Variants in IRAG2 observed in about 807,000 individuals in gnomAD.
IRAG2 encodes lymphoid restricted membrane protein.
In IRAG2, 45 loss-of-function variants were observed where a neutral mutation model predicts 69.9. The ratio of observed to expected loss-of-function variants is 0.64; its 90% CI spans 0.51 to 0.83. The LOEUF is 0.83. IRAG2 is among the 40% of genes least tolerant of loss of function. IRAG2 has a pLI of 0.00. For synonymous variants in IRAG2, 193 were observed against 202.4 expected (o/e 0.95, Z 0.40); for missense variants, 520 against 587.0 (o/e 0.89, Z 1.18).
At chr12:25,030,102 G>A (rs1399405994) in intron 9 of IRAG2, among the ~76,000 whole-genome samples, 1 of 152,132 alleles carries the variant, frequency 6.6e-6, no homozygotes. Flanking sequence ...TTCCTCACTG[G>A]TAACATGAGA....
chr12:25,105,816 A>C (rs1319055471), intron 20 of IRAG2, among the ~76,000 whole-genome samples: 1 of 152,206 alleles, frequency 6.6e-6, no homozygotes, highest in African/African-American at 2.4e-5. Flanking sequence ...TAAAAACTAA[A>C]GTCTATCATA....
intron 2 of IRAG2, among the ~76,000 whole-genome samples, chr12:25,008,357 T>C (rs1944448924): frequency 6.6e-6 from 1 of 152,094 alleles, no homozygotes; most frequent in Non-Finnish European, 1.5e-5. Flanking sequence ...ATCCCAGCAC[T>C]TTAGGAGGCC....
At chr12:25,023,839 A>G in intron 7 of IRAG2, 1 of 1,123,740 alleles carries the variant, frequency 8.9e-7, no homozygotes, top group Non-Finnish European at 1.1e-6. Flanking sequence ...CATCTTAAAT[A>G]TATTTTAATT....
the IRAG2 span, chr12:24,997,578 T>C: frequency 0.093 from 14,258 of 153,642 alleles, 837 homozygotes; most frequent in Middle Eastern, 0.2. Flanking sequence ...AGTTCTCAGA[T>C]GGTTCTTGGA....
chr12:25,101,199 G>A lies in IRAG2; in HGVS notation c.763G>A (p.Val255Ile). ...CTAGGAAAGCCGGGTTAGTAAAGCAGTTGAAGTGATGATTCAGCACGTAGA... is the reference window on the plus strand; with the variant it reads ...CTAGGAAAGCCGGGTTAGTAAAGCAATTGAAGTGATGATTCAGCACGTAGA... ...INQESRVSKA[V>I]EVMIQHVENL... Residue 255 changes from valine (V) to isoleucine (I), a missense_variant, in exon 16 of 22, where the codon GTT (valine) becomes ATT (isoleucine). Coordinates refer to ENST00000556887, the MANE Select transcript of IRAG2 (RefSeq NM_001366544.2). 6.2e-7 allele frequency: 1 copy of A among 1,608,718 alleles called. No individual in the cohort carries two copies.
intron 15 of IRAG2, among the ~76,000 whole-genome samples, chr12:25,037,023 G>A (rs959049319): frequency 9.2e-5 from 14 of 152,174 alleles, no homozygotes; most frequent in Non-Finnish European, 1.9e-4. Context: ...TTGAAAGAAT[G>A]ATTACTGTGT....
chr12:25,013,939 A>G (rs1345114124), intron 3 of IRAG2, among the ~76,000 whole-genome samples: 2 of 131,856 alleles, frequency 1.5e-5, no homozygotes, highest in African/African-American at 5.6e-5. Flanking sequence ...CAGTGGCGCA[A>G]TCTCGGCTCA....
In IRAG2 at chr12:25,102,182, G is replaced by A; in HGVS notation, c.890-16G>A. ...TGTGTAATAGCTAAAATGTGTCAATGTGTTTTTCCTTTCAGATGACTGCCA... is the reference window on the plus strand; with the variant it reads ...TGTGTAATAGCTAAAATGTGTCAATATGTTTTTCCTTTCAGATGACTGCCA... On this transcript the variant is annotated splice_polypyrimidine_tract_variant and intron_variant, in intron 16 of 21. Transcript: ENST00000556887. The A allele has an allele frequency of 1.2e-6, 2 of 1,610,184 alleles. No homozygotes were observed. Among genetic ancestry groups the A allele is most frequent in the African/African-American group, 1.3e-5 (1 of 74,960 alleles).
exon 3 of IRAG2, chr12:25,011,469 C>T: frequency 8.1e-7 from 1 of 1,231,598 alleles, no homozygotes; most frequent in Non-Finnish European, 1.0e-6. Context: ...CATGCTTGAT[C>T]CTGAGAAGAG....
At position 25,089,622 on chromosome 12, in the gene IRAG2, GT is replaced by G. The variant is rs779116236; in HGVS notation, c.385del (p.Ser129ProfsTer5). On this transcript the variant is annotated frameshift_variant, in exon 12 of 22. Transcript: ENST00000556887. LOFTEE classifies it high-confidence loss of function. ...KKEHASGDSV[V>X]SPLPVTTVKS... ...TTATTATATTTTAATAGACTCTGTG[GT>G]TTCCCCTCTTCCTGTAACCACTGTG... 6.3e-7 allele frequency: 1 copy of G among 1,591,014 alleles called. No individual in the cohort carries two copies. The highest frequency in any genetic ancestry group is 1.1e-5 in the South Asian group (1 of 89,956).
At chr12:25,062,531 T>C (rs781030912) in intron 2 of IRAG2, among the ~76,000 whole-genome samples, 2 of 152,246 alleles carry the variant, frequency 1.3e-5, no homozygotes. Flanking sequence ...CTACTCTGAG[T>C]TGCATCTCTA....
intron 13 of IRAG2, 118 bp from the exon 14 acceptor site, chr12:25,089,939 G>A (rs1462591336): frequency 3.9e-6 from 5 of 1,291,750 alleles, no homozygotes; most frequent in African/African-American, 1.5e-5. Context: ...GTGCATGTCA[G>A]CATTATGTTG....
intron 15 of IRAG2, among the ~76,000 whole-genome samples, chr12:25,099,688 C>T (rs1592095444): frequency 2.0e-5 from 3 of 151,902 alleles, no homozygotes; most frequent in African/African-American, 7.3e-5. Context: ...GGGGTAAAAC[C>T]CAATGTCTTA....
intron 8 of IRAG2, among the ~76,000 whole-genome samples, chr12:25,025,295 T>G (rs1001579680): frequency 2.0e-5 from 3 of 152,170 alleles, no homozygotes; most frequent in African/African-American, 2.4e-5. Context: ...GATTCAAAAC[T>G]GGGAAAGGAG....
chr12:25,096,882 A>G, intron 14 of IRAG2, 28 bp from the exon 15 acceptor site: 2 of 1,582,304 alleles, frequency 1.3e-6, no homozygotes. Flanking sequence ...TGTGTTAGAT[A>G]TCTTTTAATA....
chr12:24,997,995 G>A, the IRAG2 span, among the ~76,000 whole-genome samples: 39 of 152,196 alleles, frequency 2.6e-4, no homozygotes, highest in Admixed American at 8.5e-4. Context: ...AGGCTTGGTC[G>A]TTTGGAATGT....
At chr12:25,091,892 C>A (rs1054598835) in intron 14 of IRAG2, among the ~76,000 whole-genome samples, 1 of 152,128 alleles carries the variant, frequency 6.6e-6, no homozygotes, top group Non-Finnish European at 1.5e-5. Context: ...TGCTTGCTGG[C>A]CATTTGTACA....
chr12:25,031,663 T>G (rs1565530263), intron 10 of IRAG2, among the ~76,000 whole-genome samples: 1 of 152,054 alleles, frequency 6.6e-6, no homozygotes, highest in Non-Finnish European at 1.5e-5. Context: ...TGTGTGTGTT[T>G]GTTTTTGTTT....
chr12:25,100,922 T>C (rs1948717439), intron 15 of IRAG2: 1 of 306,566 alleles, frequency 3.3e-6, no homozygotes, highest in Non-Finnish European at 6.0e-6. Flanking sequence ...TTCTAGGCTT[T>C]TCTTACTGCC....
Sources: gnomAD v4.1 joint callset for allele counts (sites outside exome capture counted in the v4.1 genomes callset) on GRCh38, gnomAD v4.1.1 for gene constraint, MANE v1.5 for transcripts, NCBI Gene and HGNC (gene_info 2026-07-23, HGNC 2026-07-21) for gene names.